The following FBXW7 variants were observed in gnomAD, a reference collection of about 807,000 sequenced individuals.
FBXW7 encodes the protein F-box/WD repeat-containing protein 7.
Under a neutral mutation model 86.3 loss-of-function variants are expected in FBXW7, and 11 were observed. That is an observed-to-expected ratio of 0.13 (90% CI 0.08 to 0.21). The LOEUF (loss-of-function observed/expected upper bound fraction) is 0.21. Ranked by LOEUF, FBXW7 falls within the 10% of genes least tolerant of loss-of-function variation. The probability of loss-of-function intolerance (pLI) is 1.00; values close to 1 mark genes in which losing one functional copy is unlikely to be tolerated. For synonymous variants in FBXW7, 313 were observed against 297.9 expected (o/e 1.05, Z -0.52); for missense variants, 488 against 847.4 (o/e 0.58, Z 5.27).
chr4:152,471,131 T>C (rs1230569659), intron 2 of FBXW7, among the ~76,000 whole-genome samples: 2 of 151,688 alleles, frequency 1.3e-5, no homozygotes, highest in Admixed American at 1.3e-4. Context: ...TGACTACTAC[T>C]GTTAAAATCA....
At chr4:152,419,007 T>C (rs765213375) in intron 2 of FBXW7, among the ~76,000 whole-genome samples, 5 of 152,146 alleles carry the variant, frequency 3.3e-5, no homozygotes, top group Non-Finnish European at 2.9e-5. Context: ...ATACAAGAAG[T>C]AATCTAACTA....
intron 11 of FBXW7, 103 bp from the exon 12 acceptor site, chr4:152,326,334 C>CT (rs367926135): frequency 0.014 from 7,597 of 548,696 alleles, 14 homozygotes; most frequent in African/African-American, 0.029. Flanking sequence ...GGTTTTTTAG[C>CT]TTTTTTTTTT....
At chr4:152,497,471 GA>G (rs939123785) in intron 2 of FBXW7, among the ~76,000 whole-genome samples, 1 of 149,800 alleles carries the variant, frequency 6.7e-6, no homozygotes, top group African/African-American at 2.5e-5. Flanking sequence ...TACCCAATAG[GA>G]AAAAAATCAG....
intron 5 of FBXW7, 40 bp from the exon 6 acceptor site, chr4:152,347,111 G>GA: frequency 6.4e-7 from 1 of 1,555,640 alleles, no homozygotes; most frequent in East Asian, 2.3e-5. Context: ...AGGATAAAAG[G>GA]AAAAAAACAA....
chr4:152,467,459 C>T (rs115082830), intron 2 of FBXW7, among the ~76,000 whole-genome samples: 13 of 152,202 alleles, frequency 8.5e-5, no homozygotes, highest in South Asian at 8.3e-4. Context: ...AGCGTGAGAA[C>T]GGACTAATAA....
chr4:152,436,276 T>G (rs529907010), intron 2 of FBXW7, among the ~76,000 whole-genome samples: 2 of 152,162 alleles, frequency 1.3e-5, no homozygotes, highest in African/African-American at 4.8e-5. Flanking sequence ...GAATAAAAGG[T>G]CAAATCAACC....
intron 6 of FBXW7, among the ~76,000 whole-genome samples, chr4:152,340,529 T>C (rs1023061949): frequency 1.4e-5 from 2 of 147,760 alleles, no homozygotes; most frequent in South Asian, 2.1e-4. Flanking sequence ...TGAGCCGAGA[T>C]TGTACCACTG....
chr4:152,395,373 A>G (rs1736332018), intron 4 of FBXW7, among the ~76,000 whole-genome samples: 1 of 151,768 alleles, frequency 6.6e-6, no homozygotes, highest in South Asian at 2.1e-4. Flanking sequence ...GCTTTCTCCA[A>G]CTCATCATAA....
intron 4 of FBXW7, among the ~76,000 whole-genome samples, chr4:152,372,111 A>G (rs1734054936): frequency 6.6e-6 from 1 of 152,036 alleles, no homozygotes; most frequent in Admixed American, 6.6e-5. Context: ...CTGTATTTTA[A>G]TCACTGAAGA....
intron 2 of FBXW7, chr4:152,530,855 A>G (rs1387438247): frequency 1.3e-5 from 2 of 152,266 alleles, no homozygotes; most frequent in Admixed American, 6.5e-5. Flanking sequence ...TTCACACTAT[A>G]AGAACAGAAT....
chr4:152,353,441 CAT>C (rs1433265622), intron 4 of FBXW7, among the ~76,000 whole-genome samples: 2 of 152,116 alleles, frequency 1.3e-5, no homozygotes, highest in Admixed American at 6.6e-5. Context: ...TCCTTTAAAA[CAT>C]AGTAATTTTC....
intron 4 of FBXW7, among the ~76,000 whole-genome samples, chr4:152,357,409 T>A (rs576983907): frequency 6.6e-6 from 1 of 151,906 alleles, no homozygotes; most frequent in South Asian, 2.1e-4. Flanking sequence ...CAACCTCCAC[T>A]TCCTGGGTTC....
In FBXW7 at chr4:152,357,821, A is replaced by T. The variant is rs543947235; in HGVS notation, c.502-7697T>A. Among the ~76,000 whole-genome samples, 7 of 152,306 alleles carry T rather than the reference A, an allele frequency of 4.6e-5. No homozygotes were observed. In the South Asian group the frequency reaches 1.5e-3, roughly 32 times the overall value. On this transcript the variant is annotated intron_variant, in intron 4 of 13. Coordinates refer to ENST00000281708, the MANE Select transcript of FBXW7 (RefSeq NM_001349798.2). The stretch of plus-strand genomic sequence containing the variant: ...TCTACAAATATATAAATATACACAC[A>T]TACATAATTCATACCCAATAGTGCA...
intron 2 of FBXW7, among the ~76,000 whole-genome samples, chr4:152,508,704 G>T (rs1371271890): frequency 6.7e-6 from 1 of 149,680 alleles, no homozygotes; most frequent in African/African-American, 2.5e-5. Flanking sequence ...AATTGGTAGA[G>T]TATGGTGAGA....
At chr4:152,478,858 G>T (rs1744640476) in intron 2 of FBXW7, among the ~76,000 whole-genome samples, 1 of 152,048 alleles carries the variant, frequency 6.6e-6, no homozygotes, top group South Asian at 2.1e-4. Flanking sequence ...CTTCTTTGGA[G>T]AAATATCTGT....
At chr4:152,348,794 G>A (rs1292453549) in intron 5 of FBXW7, 3 of 689,336 alleles carry the variant, frequency 4.4e-6, no homozygotes, top group East Asian at 1.7e-4. Flanking sequence ...TGACTAGAAG[G>A]GAAAAGCAAA....
chr4:152,335,764 A>G (rs1730018341), intron 7 of FBXW7, among the ~76,000 whole-genome samples: 1 of 152,216 alleles, frequency 6.6e-6, no homozygotes, highest in African/African-American at 2.4e-5. Flanking sequence ...TCAGTGGATT[A>G]AACTAGTCAA....
At chr4:152,438,428 A>C (rs1003709900) in intron 2 of FBXW7, among the ~76,000 whole-genome samples, 1 of 152,114 alleles carries the variant, frequency 6.6e-6, no homozygotes. Flanking sequence ...CTGTAATCTC[A>C]GCACTTTGGG....
intron 2 of FBXW7, among the ~76,000 whole-genome samples, chr4:152,524,188 T>C (rs1749283591): frequency 6.6e-6 from 1 of 152,180 alleles, no homozygotes; most frequent in Admixed American, 6.5e-5. Context: ...ATTATTATCA[T>C]CCCAGTTTTA....
Sources: gnomAD v4.1 joint callset for allele counts (sites outside exome capture counted in the v4.1 genomes callset) on GRCh38, gnomAD v4.1.1 for gene constraint, MANE v1.5 for transcripts, NCBI Gene and HGNC (gene_info 2026-07-23, HGNC 2026-07-21) for gene names.